The following SIN3A variants were observed in gnomAD, a reference collection of about 807,000 sequenced individuals.
SIN3A encodes the protein SIN3 transcription regulator family member A.
In SIN3A, 14 loss-of-function variants were observed where a neutral mutation model predicts 146.1. That is an observed-to-expected ratio of 0.10 (90% CI 0.06 to 0.15). SIN3A has a LOEUF of 0.15. Among genes scored for constraint, SIN3A ranks in the 10% least tolerant of loss-of-function variants. SIN3A has a pLI of 1.00. For synonymous variants in SIN3A, 572 were observed against 572.0 expected (o/e 1.00, Z 0.00); for missense variants, 1,028 against 1,576.0 (o/e 0.65, Z 5.89).
chr15:75,450,178 CT>C (rs1451971875), intron 1 of SIN3A, among the ~76,000 whole-genome samples: 2 of 150,108 alleles, frequency 1.3e-5, no homozygotes, highest in Non-Finnish European at 3.0e-5. Context: ...AGTCTGAGTT[CT>C]TAAAAAAAAA....
intron 12 of SIN3A, among the ~76,000 whole-genome samples, chr15:75,397,631 T>C (rs2073329516): frequency 6.6e-6 from 1 of 152,220 alleles, no homozygotes; most frequent in Admixed American, 6.5e-5. Flanking sequence ...ATGTGGGAGT[T>C]GTCTGTACTG....
rs547374281 is a variant in SIN3A, at chr15:75,418,848, G to A, written c.366+3799C>T. On this transcript the variant is annotated intron_variant, in intron 3 of 20. Coordinates refer to ENST00000394947, the MANE Select transcript of SIN3A (RefSeq NM_001145358.2). ...CGGCTCACCGCAAGCTCTGCCTCCC[G>A]GGTTCACGCCATTCTCCTGCCTCAG... Among the ~76,000 whole-genome samples, 14 of 151,720 alleles carry A rather than the reference G, an allele frequency of 9.2e-5. No individual in the cohort carries two copies. The South Asian group carries it at 2.7e-3, about 30-fold the overall frequency.
rs369597030 is a variant in SIN3A, at chr15:75,432,040, G to A, written c.-33-1632C>T. Among the ~76,000 whole-genome samples the A allele has an allele frequency of 2.5e-3, 382 of 152,310 alleles. 2 individuals carry two copies. The highest frequency in any genetic ancestry group is 8.5e-3 in the African/African-American group (355 of 41,582). On this transcript the variant is annotated intron_variant, in intron 1 of 20. Coordinates refer to ENST00000394947, the MANE Select transcript of SIN3A (RefSeq NM_001145358.2). ...AACTCAGTTAAATGGAGTTGAGAAC[G>A]TTTCTGACAGCTGCTGAGGACAAAT... is the stretch of plus-strand genomic sequence containing the variant.
chr15:75,405,712 T>C (rs370418674), intron 9 of SIN3A, among the ~76,000 whole-genome samples: 70 of 151,946 alleles, frequency 4.6e-4, no homozygotes, highest in African/African-American at 1.6e-3. Flanking sequence ...GATTGCGCCA[T>C]TGCACTCCAA....
intron 1 of SIN3A, among the ~76,000 whole-genome samples, chr15:75,437,057 T>C (rs2074119722): frequency 6.6e-6 from 1 of 152,174 alleles, no homozygotes; most frequent in African/African-American, 2.4e-5. Context: ...TGCGGAGGGT[T>C]AGAAGTCCAG....
upstream of SIN3A, among the ~76,000 whole-genome samples, chr15:75,451,982 T>C (rs2074419356): frequency 6.6e-6 from 1 of 151,924 alleles, no homozygotes; most frequent in Admixed American, 6.6e-5. Context: ...AAGCTCTTCC[T>C]GTCTCATTGG....
In SIN3A at chr15:75,371,841, A is replaced by T. The variant is rs2072756922; in HGVS notation, c.*138T>A. ...CTTGGTGCCAGGCTGCACCAGCCAC[A>T]CACAGGTCAGGTGGCCATGTCCCAG... On this transcript the variant is annotated 3_prime_UTR_variant, in exon 21 of 21. Coordinates refer to ENST00000394947, the MANE Select transcript of SIN3A (RefSeq NM_001145358.2). 1.4e-6 allele frequency: 1 copy of T among 715,568 alleles called. No homozygotes were observed. The highest frequency in any genetic ancestry group is 2.4e-6 in the Non-Finnish European group (1 of 422,114). The allele number at this position is 715,568 out of a possible 1,614,324, so 44.3% of individuals were successfully genotyped here.
Position 75,434,522 on chromosome 15 carries a change from C to T in SIN3A, c.-33-4114G>A, listed in dbSNP as rs540731854. ...AAAATTAGCCGGGTGTGGTTGTGGGCGCCTGTAATCCCAGCTACTCAGGAG... is the reference window on the plus strand; with the variant it reads ...AAAATTAGCCGGGTGTGGTTGTGGGTGCCTGTAATCCCAGCTACTCAGGAG... On this transcript the variant is annotated intron_variant, in intron 1 of 20. Transcript: ENST00000394947. 1.7e-3 allele frequency among the ~76,000 whole-genome samples: 254 copies of T among 151,858 alleles called. 2 individuals are homozygous for T. Among genetic ancestry groups the T allele is most frequent in the Admixed American group, 4.0e-3 (61 of 15,242 alleles).
At position 75,400,950 on chromosome 15, in the gene SIN3A, C is replaced by G; in HGVS notation, c.1527-10G>C. ...CAACTCAGGGAATTTCCTGAAGAAT[C>G]AAACCAAAAAGTGACAAGCAATTAG... On this transcript the variant is annotated splice_polypyrimidine_tract_variant and intron_variant, in intron 10 of 20. Coordinates refer to ENST00000394947, the MANE Select transcript of SIN3A (RefSeq NM_001145358.2). The G allele has an allele frequency of 1.9e-6, 3 of 1,602,318 alleles. No homozygotes were observed. The highest frequency in any genetic ancestry group is 2.6e-6 in the Non-Finnish European group (3 of 1,171,932).
chr15:75,389,529 C>A, intron 16 of SIN3A, 123 bp downstream of exon 16: 1 of 939,612 alleles, frequency 1.1e-6, no homozygotes, highest in Non-Finnish European at 1.6e-6. Flanking sequence ...CCCCTCCTCT[C>A]TTCAGAACCC....
intron 1 of SIN3A, among the ~76,000 whole-genome samples, chr15:75,431,215 A>G (rs1042442792): frequency 3.2e-4 from 49 of 152,232 alleles, no homozygotes; most frequent in African/African-American, 1.2e-3. Context: ...AGACTTGCCA[A>G]TTTAAGATGC....
chr15:75,453,615 A>C (rs1163015510), upstream of SIN3A: 2 of 152,362 alleles, frequency 1.3e-5, no homozygotes, highest in Non-Finnish European at 2.9e-5. Context: ...CTAGGTTGTC[A>C]GAGTCTCAGA....
chr15:75,379,325 T>C (rs766514869), intron 19 of SIN3A, among the ~76,000 whole-genome samples: 8 of 152,134 alleles, frequency 5.3e-5, no homozygotes, highest in Non-Finnish European at 1.0e-4. Flanking sequence ...GCTCTAAGAG[T>C]GTAAGGGGTC....
At chr15:75,435,606 G>A (rs2074093196) in intron 1 of SIN3A, among the ~76,000 whole-genome samples, 1 of 151,382 alleles carries the variant, frequency 6.6e-6, no homozygotes, top group African/African-American at 2.4e-5. Context: ...GCTGAGGCAG[G>A]AGAATCACTC....
intron 17 of SIN3A, among the ~76,000 whole-genome samples, chr15:75,383,345 A>G (rs1219065385): frequency 1.3e-5 from 2 of 151,996 alleles, no homozygotes; most frequent in Non-Finnish European, 2.9e-5. Flanking sequence ...TCAAGCATAG[A>G]GAAGTTTAGA....
chr15:75,414,375 CAA>C, intron 3 of SIN3A, 64 bp from the exon 4 acceptor site: 2 of 812,840 alleles, frequency 2.5e-6, no homozygotes, highest in Non-Finnish European at 1.8e-6. Context: ...AAAAAAAAAA[CAA>C]AAACAAATTA....
chr15:75,413,131 G>A (rs754918680), intron 4 of SIN3A, 86 bp from the exon 5 acceptor site: 63 of 1,365,110 alleles, frequency 4.6e-5, no homozygotes, highest in Non-Finnish European at 6.0e-5. Context: ...TTTTTCTTTT[G>A]AGACGGAGTC....
intron 8 of SIN3A, among the ~76,000 whole-genome samples, chr15:75,408,776 G>T (rs1236014677): frequency 6.6e-6 from 1 of 152,162 alleles, no homozygotes; most frequent in Admixed American, 6.5e-5. Flanking sequence ...CTTTGAGCAG[G>T]ACAGGGTTCT....
At position 75,430,328 on chromosome 15, in the gene SIN3A, C is replaced by A; in HGVS notation, c.48G>T (p.Gln16His). 1 of 1,614,088 alleles carries A rather than the reference C, an allele frequency of 6.2e-7. No homozygotes were observed. The highest frequency in any genetic ancestry group is 8.5e-7 in the Non-Finnish European group (1 of 1,180,000). Residue 16 changes from glutamine (Q) to histidine (H), a missense_variant, in exon 2 of 21, where the codon CAG becomes CAT. Gln to His is a conservative substitution (Grantham distance 24). Transcript: ENST00000394947. Reference sequence around the variant, plus strand: ...CTGTGCTGCCAGGGATCCGACGCTGCTGGGCTGCATACACCGGTGACTCCT... The same window carrying A: ...CTGTGCTGCCAGGGATCCGACGCTGATGGGCTGCATACACCGGTGACTCCT... ...DDQESPVYAA[Q>H]QRRIPGSTEA...
Sources: allele counts gnomAD v4.1 joint callset (sites outside exome capture counted in the v4.1 genomes callset), GRCh38; gene constraint gnomAD v4.1.1; transcripts MANE v1.5; gene names NCBI Gene and HGNC (gene_info 2026-07-23, HGNC 2026-07-21).